Variants in SCAPER observed in about 807,000 individuals in gnomAD.
The protein encoded by SCAPER is S phase cyclin A-associated protein in the endoplasmic reticulum.
Under a neutral mutation model 182.2 loss-of-function variants are expected in SCAPER, and 98 were observed. That is an observed-to-expected ratio of 0.54 (90% CI 0.46 to 0.64). The LOEUF is 0.64. SCAPER is among the 30% of genes least tolerant of loss of function. The pLI is 0.00. For synonymous variants in SCAPER, 605 were observed against 564.6 expected (o/e 1.07, Z -1.01); for missense variants, 1,432 against 1,690.0 (o/e 0.85, Z 2.68).
At chr15:76,463,257 T>C (rs900053391) in intron 25 of SCAPER, among the ~76,000 whole-genome samples, 10 of 152,156 alleles carry the variant, frequency 6.6e-5, no homozygotes, top group Non-Finnish European at 2.9e-5. Flanking sequence ...CCCATGTAAT[T>C]AACTATGGAG....
intron 14 of SCAPER, among the ~76,000 whole-genome samples, chr15:76,761,647 A>T: frequency 6.6e-6 from 1 of 152,136 alleles, no homozygotes; most frequent in East Asian, 1.9e-4. Context: ...GGTCTAAAAG[A>T]TATTGGTATG....
At chr15:76,412,738 A>G (rs923483424) in intron 26 of SCAPER, among the ~76,000 whole-genome samples, 1 of 152,182 alleles carries the variant, frequency 6.6e-6, no homozygotes, top group East Asian at 1.9e-4. Flanking sequence ...TAACTTTTCC[A>G]TAGAAATCTC....
chr15:76,838,464 C>A (rs578253065), intron 5 of SCAPER, among the ~76,000 whole-genome samples: 10 of 152,278 alleles, frequency 6.6e-5, no homozygotes, highest in Non-Finnish European at 1.3e-4. Context: ...GACTCTAATA[C>A]CTTCATCTAT....
At chr15:76,427,434 T>C (rs2046514323) in intron 26 of SCAPER, among the ~76,000 whole-genome samples, 1 of 152,098 alleles carries the variant, frequency 6.6e-6, no homozygotes, top group Non-Finnish European at 1.5e-5. Context: ...TCAGAAGACA[T>C]ACAAATGGCC....
intron 29 of SCAPER, among the ~76,000 whole-genome samples, chr15:76,367,291 T>A (rs1264619066): frequency 2.0e-5 from 3 of 152,126 alleles, no homozygotes; most frequent in African/African-American, 4.8e-5. Flanking sequence ...CTGATGAGGG[T>A]CTTATATAAA....
At chr15:76,610,626 T>C (rs770891203) in intron 22 of SCAPER, among the ~76,000 whole-genome samples, 7 of 152,190 alleles carry the variant, frequency 4.6e-5, no homozygotes, top group African/African-American at 1.4e-4. Flanking sequence ...CTAAGATTTC[T>C]ATGTATAAAC....
chr15:76,876,721 A>G (rs183520151), intron 2 of SCAPER, among the ~76,000 whole-genome samples: 30 of 152,306 alleles, frequency 2.0e-4, no homozygotes, highest in Admixed American at 9.1e-4. Flanking sequence ...TATAACTTTT[A>G]AATTCTTAGC....
intron 20 of SCAPER, among the ~76,000 whole-genome samples, chr15:76,672,876 A>C (rs2057120294): frequency 6.6e-6 from 1 of 152,096 alleles, no homozygotes; most frequent in Non-Finnish European, 1.5e-5. Flanking sequence ...TACACAATAC[A>C]CTCGAAAATA....
chr15:76,680,396 C>CATGATG (rs746371617), intron 20 of SCAPER, among the ~76,000 whole-genome samples: 24 of 136,208 alleles, frequency 1.8e-4, no homozygotes, highest in African/African-American at 6.0e-4. Flanking sequence ...TAGGTCATTT[C>CATGATG]ATGATGATGA....
intron 19 of SCAPER, among the ~76,000 whole-genome samples, chr15:76,702,260 T>A (rs1348649470): frequency 2.0e-5 from 3 of 151,630 alleles, no homozygotes; most frequent in Admixed American, 6.6e-5. Flanking sequence ...GTGAAAATGT[T>A]GCTTTTTTTT....
chr15:76,376,431 T>A, intron 28 of SCAPER, 120 bp from the exon 29 acceptor site: 1 of 1,060,118 alleles, frequency 9.4e-7, no homozygotes, highest in Non-Finnish European at 1.3e-6. Context: ...ATGACATTTC[T>A]ACAGTACTAT....
At chr15:76,469,650 C>T (rs899604334) in intron 25 of SCAPER, among the ~76,000 whole-genome samples, 1 of 152,092 alleles carries the variant, frequency 6.6e-6, no homozygotes, top group African/African-American at 2.4e-5. Context: ...GAATGTCCCC[C>T]AACTTGGGTA....
intron 25 of SCAPER, among the ~76,000 whole-genome samples, chr15:76,442,893 G>C (rs573901064): frequency 2.6e-5 from 4 of 152,238 alleles, no homozygotes; most frequent in African/African-American, 9.6e-5. Context: ...TTATTTATGA[G>C]TATGAAGTTA....
chr15:76,413,161 A>C (rs1325814551), intron 26 of SCAPER, among the ~76,000 whole-genome samples: 1 of 152,190 alleles, frequency 6.6e-6, no homozygotes, highest in African/African-American at 2.4e-5. Context: ...CTATACGTGC[A>C]ATCATGAGAC....
At chr15:76,439,169 T>A (rs1270204202) in intron 25 of SCAPER, among the ~76,000 whole-genome samples, 1 of 152,046 alleles carries the variant, frequency 6.6e-6, no homozygotes, top group African/African-American at 2.4e-5. Context: ...CACTGTATTC[T>A]CCACCTCCCC....
chr15:76,724,430 C>T (rs2060464919), intron 17 of SCAPER, among the ~76,000 whole-genome samples: 1 of 152,076 alleles, frequency 6.6e-6, no homozygotes, highest in Non-Finnish European at 1.5e-5. Context: ...CAAGGAGTAT[C>T]TTTGTGGCAT....
intron 26 of SCAPER, among the ~76,000 whole-genome samples, chr15:76,420,316 T>C (rs1416283898): frequency 6.6e-6 from 1 of 150,870 alleles, no homozygotes; most frequent in Non-Finnish European, 1.5e-5. Context: ...AAGATCCTCT[T>C]GCCTTAGTCT....
intron 21 of SCAPER, among the ~76,000 whole-genome samples, chr15:76,624,943 C>T (rs1360737346): frequency 6.6e-6 from 1 of 152,150 alleles, no homozygotes; most frequent in African/African-American, 2.4e-5. Flanking sequence ...ATAGTTCACT[C>T]TCATGTTGTT....
At chr15:76,615,514 C>G (rs1024102859) in intron 22 of SCAPER, among the ~76,000 whole-genome samples, 4 of 151,288 alleles carry the variant, frequency 2.6e-5, no homozygotes, top group East Asian at 1.9e-4. Context: ...CACACACACA[C>G]ACACACACAC....
Sources: gnomAD v4.1 joint callset for allele counts (sites outside exome capture counted in the v4.1 genomes callset) on GRCh38, gnomAD v4.1.1 for gene constraint, MANE v1.5 for transcripts, NCBI Gene and HGNC (gene_info 2026-07-23, HGNC 2026-07-21) for gene names.